Variants in DACH1 observed in about 807,000 individuals in gnomAD.
DACH1 encodes the protein dachshund family transcription factor 1.
In DACH1, 12 loss-of-function variants were observed where a neutral mutation model predicts 54.2. That is an observed-to-expected ratio of 0.22 (90% CI 0.14 to 0.36). The LOEUF (loss-of-function observed/expected upper bound fraction) is 0.36. DACH1 is among the 10% of genes least tolerant of loss of function. The pLI is 1.00. For synonymous variants in DACH1, 386 were observed against 366.2 expected (o/e 1.05, Z -0.62); for missense variants, 805 against 929.8 (o/e 0.87, Z 1.75).
intron 1 of DACH1, among the ~76,000 whole-genome samples, chr13:71,698,901 A>AG (rs1375854690): frequency 6.6e-6 from 1 of 152,160 alleles, no homozygotes; most frequent in Non-Finnish European, 1.5e-5. Flanking sequence ...TAGGGGATCC[A>AG]GGGGTAGATT....
intron 1 of DACH1, among the ~76,000 whole-genome samples, chr13:71,834,450 T>G (rs1424357471): frequency 6.6e-6 from 1 of 151,982 alleles, no homozygotes; most frequent in Non-Finnish European, 1.5e-5. Context: ...CTACCTAATC[T>G]CCACTATCTA....
chr13:71,785,714 A>C (rs777478496), intron 1 of DACH1, among the ~76,000 whole-genome samples: 6 of 152,204 alleles, frequency 3.9e-5, no homozygotes, highest in Non-Finnish European at 7.3e-5. Context: ...CAGAGCTAAA[A>C]TCCATAATCC....
In DACH1 at chr13:71,719,251, G is replaced by A. The variant is rs190217165; in HGVS notation, c.849-37341C>T. 4.1e-4 allele frequency among the ~76,000 whole-genome samples: 63 copies of A among 152,304 alleles called. 1 individual carries two copies. The East Asian group carries it at 8.9e-3, about 21-fold the overall frequency. ...CTGGTGCTATTTCTTAAGTACAAAA[G>A]TAAATGAGCCTTTGTAGGCCACCTT... On this transcript the variant is annotated intron_variant, in intron 1 of 10. Coordinates refer to ENST00000613252, the MANE Select transcript of DACH1 (RefSeq NM_080759.6).
intron 6 of DACH1, among the ~76,000 whole-genome samples, chr13:71,494,602 T>C (rs988809254): frequency 2.6e-5 from 4 of 152,120 alleles, no homozygotes; most frequent in African/African-American, 9.7e-5. Flanking sequence ...TGTAATGCCA[T>C]TGTAAGTTAA....
At position 71,866,406 on chromosome 13, in the gene DACH1, TGCCGCC is replaced by T. The variant is rs530672616; in HGVS notation, c.358_363del (p.Gly120_Gly121del). 78 of 1,421,386 alleles carry T rather than the reference TGCCGCC, an allele frequency of 5.5e-5. No individual in the cohort carries two copies. Among genetic ancestry groups the T allele is most frequent in the Middle Eastern group, 5.0e-4 (2 of 3,980 alleles). 88.0% of individuals were successfully genotyped at this position (1,421,386 alleles called of 1,614,324 possible). On this transcript the variant is annotated inframe_deletion, in exon 1 of 11. Coordinates refer to ENST00000613252, the MANE Select transcript of DACH1 (RefSeq NM_080759.6). ...GAAGCGACGCCGCCGCCAGCGCTGA[TGCCGCC>T]GCCGCCGCCGCCGCTGCCGTTGCTC... is the stretch of plus-strand genomic sequence containing the variant.
At chr13:71,514,178 C>T (rs948101238) in intron 6 of DACH1, among the ~76,000 whole-genome samples, 14 of 151,860 alleles carry the variant, frequency 9.2e-5, no homozygotes, top group African/African-American at 3.4e-4. Context: ...TTTAATTATG[C>T]TAATCATCTA....
chr13:71,698,660 G>T (rs1325917769), intron 1 of DACH1, among the ~76,000 whole-genome samples: 1 of 151,920 alleles, frequency 6.6e-6, no homozygotes, highest in African/African-American at 2.4e-5. Context: ...TAGAAATCTA[G>T]ATTTTAAAAA....
chr13:71,577,635 G>A (rs551447603), intron 3 of DACH1, among the ~76,000 whole-genome samples: 5 of 152,184 alleles, frequency 3.3e-5, no homozygotes, highest in Admixed American at 3.3e-4. Context: ...AGGAAAAATT[G>A]TATTTAATAT....
At chr13:71,495,425 T>C (rs1879323194) in intron 6 of DACH1, among the ~76,000 whole-genome samples, 1 of 152,008 alleles carries the variant, frequency 6.6e-6, no homozygotes, top group Non-Finnish European at 1.5e-5. Flanking sequence ...GAAAGATACA[T>C]TTATAAGTGT....
chr13:71,829,317 T>A (rs888614232), intron 1 of DACH1, among the ~76,000 whole-genome samples: 2 of 151,870 alleles, frequency 1.3e-5, no homozygotes, highest in African/African-American at 4.8e-5. Flanking sequence ...AAAATCCTGA[T>A]CTTAGGAAAT....
chr13:71,636,632 G>A (rs1298012639), intron 2 of DACH1, among the ~76,000 whole-genome samples: 1 of 150,520 alleles, frequency 6.6e-6, no homozygotes, highest in African/African-American at 2.4e-5. Context: ...AAAAAAAAAA[G>A]TTTTCCTTCA....
intron 3 of DACH1, among the ~76,000 whole-genome samples, chr13:71,592,376 T>A (rs1407329096): frequency 1.3e-5 from 2 of 150,058 alleles, no homozygotes; most frequent in Non-Finnish European, 3.0e-5. Flanking sequence ...CCACCCGTGG[T>A]CCCAGCTACT....
At chr13:71,777,978 G>A (rs1402770672) in intron 1 of DACH1, among the ~76,000 whole-genome samples, 1 of 151,800 alleles carries the variant, frequency 6.6e-6, no homozygotes, top group East Asian at 1.9e-4. Context: ...TTAGCTGGTA[G>A]TAAGGGGTTG....
intron 10 of DACH1, among the ~76,000 whole-genome samples, chr13:71,462,912 ACACAT>A (rs1566273680): frequency 8.1e-5 from 1 of 12,380 alleles, no homozygotes; most frequent in East Asian, 0.011. Context: ...ACACACACAC[ACACAT>A]AAACCATGAA....
chr13:71,442,195 C>A (rs1220265814), intron 10 of DACH1, among the ~76,000 whole-genome samples: 2 of 152,000 alleles, frequency 1.3e-5, no homozygotes, highest in Non-Finnish European at 2.9e-5. Context: ...TCCTCACTAA[C>A]CTTCCCAGTC....
intron 2 of DACH1, among the ~76,000 whole-genome samples, chr13:71,644,781 T>C (rs1878152740): frequency 6.6e-6 from 1 of 152,116 alleles, no homozygotes; most frequent in Admixed American, 6.5e-5. Flanking sequence ...TGATGGCTGC[T>C]TACACCAGCA....
intron 6 of DACH1, among the ~76,000 whole-genome samples, chr13:71,517,730 A>T (rs188056631): frequency 6.6e-6 from 1 of 151,946 alleles, no homozygotes; most frequent in East Asian, 1.9e-4. Flanking sequence ...GCACAACCAG[A>T]AGTCCTGAAG....
At position 71,518,223 on chromosome 13, in the gene DACH1, A is replaced by G. The variant is rs184824069; in HGVS notation, c.1571-29075T>C. Among the ~76,000 whole-genome samples the G allele has an allele frequency of 6.5e-3, 981 of 151,948 alleles. 11 individuals are homozygous for G. The highest frequency in any genetic ancestry group is 0.022 in the African/African-American group (909 of 41,498). Reference sequence around the variant, plus strand: ...GTCATAAGGGTGAGACCTTTAATCTATTAGGACTGATATCCTTACAAAAAG... The same window carrying G: ...GTCATAAGGGTGAGACCTTTAATCTGTTAGGACTGATATCCTTACAAAAAG... On this transcript the variant is annotated intron_variant, in intron 6 of 10. Transcript: ENST00000613252.
At chr13:71,670,932 T>C (rs909600569) in intron 2 of DACH1, among the ~76,000 whole-genome samples, 8 of 152,054 alleles carry the variant, frequency 5.3e-5, no homozygotes, top group Non-Finnish European at 1.0e-4. Flanking sequence ...TTAAAAACCA[T>C]GTGCCTGAAA....
Sources: allele counts gnomAD v4.1 joint callset (sites outside exome capture counted in the v4.1 genomes callset), GRCh38; gene constraint gnomAD v4.1.1; transcripts MANE v1.5; gene names NCBI Gene and HGNC (gene_info 2026-07-23, HGNC 2026-07-21).